The following VTA1 variants were observed in gnomAD, a reference collection of about 807,000 sequenced individuals.
The protein encoded by VTA1 is vacuolar protein sorting-associated protein VTA1 homolog.
In VTA1, 24 loss-of-function variants were observed where a neutral mutation model predicts 36.9. The observed-to-expected ratio is 0.65, with a 90% CI of 0.47 to 0.91. VTA1 has a LOEUF of 0.91. Ranked by LOEUF, VTA1 falls within the 40% of genes least tolerant of loss-of-function variation. VTA1 has a pLI of 0.00. For missense variants in VTA1, 393 were observed against 377.2 expected (o/e 1.04, Z -0.35); for synonymous variants, 142 against 130.2 (o/e 1.09, Z -0.62).
chr6:142,200,012 C>T (rs1033751967), intron 6 of VTA1, among the ~76,000 whole-genome samples: 1 of 152,004 alleles, frequency 6.6e-6, no homozygotes, highest in African/African-American at 2.4e-5. Flanking sequence ...GGTTGAAATC[C>T]TGATCAAGAG....
At chr6:142,156,094 C>G (rs1274179974) in intron 1 of VTA1, among the ~76,000 whole-genome samples, 6 of 152,202 alleles carry the variant, frequency 3.9e-5, no homozygotes, top group Admixed American at 3.9e-4. Context: ...CCTAATAAGG[C>G]AGACAACTAG....
chr6:142,215,947 G>A (rs1167265693), intron 7 of VTA1, among the ~76,000 whole-genome samples: 1 of 152,130 alleles, frequency 6.6e-6, no homozygotes, highest in Non-Finnish European at 1.5e-5. Context: ...CCTGACCTCT[G>A]AAGAGGAGAT....
chr6:142,161,342 ACTC>A (rs1483479767), intron 1 of VTA1, among the ~76,000 whole-genome samples: 1 of 151,554 alleles, frequency 6.6e-6, no homozygotes, highest in Non-Finnish European at 1.5e-5. Context: ...TCAAAGCCTC[ACTC>A]CTCACAGTTG....
chr6:142,165,209 GT>G (rs1774890146), intron 1 of VTA1, among the ~76,000 whole-genome samples: 2 of 152,152 alleles, frequency 1.3e-5, no homozygotes, highest in African/African-American at 2.4e-5. Context: ...AGGAATGTAA[GT>G]TTAATAAGTT....
intron 7 of VTA1, among the ~76,000 whole-genome samples, chr6:142,211,709 T>A (rs1775907468): frequency 1.3e-5 from 1 of 76,794 alleles, no homozygotes; most frequent in Non-Finnish European, 2.9e-5. Flanking sequence ...AGACTCCATC[T>A]CTTAAAAAAA....
intron 1 of VTA1, among the ~76,000 whole-genome samples, chr6:142,153,689 C>G (rs563339624): frequency 6.6e-6 from 1 of 152,108 alleles, no homozygotes; most frequent in South Asian, 2.1e-4. Flanking sequence ...TATGGAAATG[C>G]TAATAGGCTT....
chr6:142,155,672 C>T (rs1278427028), intron 1 of VTA1, among the ~76,000 whole-genome samples: 1 of 152,100 alleles, frequency 6.6e-6, no homozygotes, highest in Non-Finnish European at 1.5e-5. Flanking sequence ...GAACATTAGG[C>T]ACTTGGTTGT....
chr6:142,198,626 G>A lies in VTA1; in HGVS notation c.697+11G>A. The stretch of plus-strand genomic sequence containing the variant: ...TGCCTCACAGCACAGGTGGGAAACT[G>A]TAACTGAATGATTTATTTAATTCCC... On this transcript the variant is annotated intron_variant, in intron 6 of 7. Transcript: ENST00000367630. The A allele has an allele frequency of 6.3e-7, 1 of 1,592,630 alleles. No homozygotes were observed. Among genetic ancestry groups the A allele is most frequent in the South Asian group, 1.1e-5 (1 of 87,446 alleles).
rs1179302751 is a variant in VTA1, at chr6:142,219,540, G to A, written c.*897G>A. On this transcript the variant is annotated 3_prime_UTR_variant, in exon 8 of 8. Transcript: ENST00000367630. ...TTGTGGGGAATTATGAACTTACTGT[G>A]TACTACCTGCATTTGTGCTGTGTGA... 2 of 152,082 alleles carry A rather than the reference G, an allele frequency of 1.3e-5. No individual in the cohort carries two copies. Among genetic ancestry groups the A allele is most frequent in the East Asian group, 1.9e-4 (1 of 5,200 alleles). The allele number at this position is 152,082 out of a possible 1,614,324, so 9.4% of individuals were successfully genotyped here.
chr6:142,212,349 C>T (rs1775920100), intron 7 of VTA1, among the ~76,000 whole-genome samples: 1 of 152,074 alleles, frequency 6.6e-6, no homozygotes, highest in Admixed American at 6.5e-5. Context: ...AGGAAATGAG[C>T]TATCAAGCTA....
At chr6:142,183,326 A>C (rs922652132) in intron 4 of VTA1, among the ~76,000 whole-genome samples, 1 of 152,166 alleles carries the variant, frequency 6.6e-6, no homozygotes, top group African/African-American at 2.4e-5. Flanking sequence ...TTGGTATGCT[A>C]ATGGAGAATA....
chr6:142,177,710 A>G (rs994056910), intron 4 of VTA1, among the ~76,000 whole-genome samples: 2 of 152,180 alleles, frequency 1.3e-5, no homozygotes. Flanking sequence ...AGTCCATTCT[A>G]AGTACTAAAT....
chr6:142,214,392 G>A (rs1344651275), intron 7 of VTA1, among the ~76,000 whole-genome samples: 1 of 152,144 alleles, frequency 6.6e-6, no homozygotes, highest in Non-Finnish European at 1.5e-5. Context: ...CGTGGAAGGT[G>A]AAGGGGAAGC....
intron 5 of VTA1, among the ~76,000 whole-genome samples, 197 bp downstream of exon 5, chr6:142,189,731 G>A (rs1775415019): frequency 6.6e-6 from 1 of 151,636 alleles, no homozygotes; most frequent in Non-Finnish European, 1.5e-5. Flanking sequence ...ACCTGTCCAT[G>A]TCAACAAAGT....
chr6:142,151,652 A>G (rs1386801467), intron 1 of VTA1, among the ~76,000 whole-genome samples: 2 of 152,250 alleles, frequency 1.3e-5, no homozygotes, highest in East Asian at 1.9e-4. Flanking sequence ...GCCATTAAAC[A>G]GTGTGGTAGA....
chr6:142,174,269 G>T (rs770035752), intron 4 of VTA1, among the ~76,000 whole-genome samples: 6 of 152,222 alleles, frequency 3.9e-5, no homozygotes, highest in Non-Finnish European at 7.3e-5. Flanking sequence ...GCCACCACTT[G>T]TACCAGTGTT....
intron 7 of VTA1, among the ~76,000 whole-genome samples, chr6:142,209,535 A>G (rs1239038969): frequency 1.3e-5 from 2 of 151,100 alleles, no homozygotes; most frequent in African/African-American, 4.8e-5. Context: ...TCCATTGTAT[A>G]TATACACTAT....
chr6:142,190,593 A>G (rs1335658088), intron 5 of VTA1, among the ~76,000 whole-genome samples: 2 of 152,144 alleles, frequency 1.3e-5, no homozygotes, highest in Non-Finnish European at 2.9e-5. Flanking sequence ...CTTGTTTTTT[A>G]TGTATTAGAC....
Position 142,219,478 on chromosome 6 carries a change from A to T in VTA1, c.*835A>T, listed in dbSNP as rs1776064079. The stretch of plus-strand genomic sequence containing the variant: ...TGGATAGCTATGGGTGATTCAGAAT[A>T]TTATGTTTAGATTCCCATTTGTTAA... On this transcript the variant is annotated 3_prime_UTR_variant, in exon 8 of 8. Transcript: ENST00000367630. The T allele has an allele frequency of 6.6e-6, 1 of 152,172 alleles. No individual in the cohort carries two copies. The highest frequency in any genetic ancestry group is 2.4e-5 in the African/African-American group (1 of 41,444). The allele number at this position is 152,172 out of a possible 1,614,324, so 9.4% of individuals were successfully genotyped here.
Sources: gnomAD v4.1 joint callset for allele counts (sites outside exome capture counted in the v4.1 genomes callset) on GRCh38, gnomAD v4.1.1 for gene constraint, MANE v1.5 for transcripts, NCBI Gene and HGNC (gene_info 2026-07-23, HGNC 2026-07-21) for gene names.